Variants in RBM19 observed in about 807,000 individuals in gnomAD.
RBM19 encodes the protein RNA binding motif protein 19, also known as probable RNA-binding protein 19.
RBM19 carries 94 observed loss-of-function variants against 116.8 expected under a neutral mutation model. The observed-to-expected ratio is 0.80, with a 90% CI of 0.68 to 0.95. The LOEUF (loss-of-function observed/expected upper bound fraction) is 0.95, where lower values mean the gene tolerates loss of function less well. RBM19 is among the 40% of genes least tolerant of loss of function. The pLI, the probability that RBM19 is intolerant of heterozygous loss-of-function variation, is 0.00. For missense variants in RBM19, 1,161 were observed against 1,220.7 expected, an observed-to-expected ratio of 0.95 and a Z score of 0.73; for synonymous variants, 475 against 494.1, an observed-to-expected ratio of 0.96 and a Z score of 0.51.
intron 21 of RBM19, among the ~76,000 whole-genome samples, chr12:113,872,153 T>C (rs1159665449): frequency 2.8e-5 from 4 of 144,020 alleles, no homozygotes; most frequent in African/African-American, 1.0e-4. Context: ...TCGTCTGAGA[T>C]GTGGGGAGCG....
chr12:113,958,742 T>C (rs369090286), intron 5 of RBM19, among the ~76,000 whole-genome samples: 120 of 152,154 alleles, frequency 7.9e-4, no homozygotes, highest in African/African-American at 2.9e-3. Context: ...CCACCAGGCC[T>C]CCCCCACACC....
intron 22 of RBM19, among the ~76,000 whole-genome samples, chr12:113,854,592 G>T (rs1205140441): frequency 6.6e-6 from 1 of 152,130 alleles, no homozygotes; most frequent in African/African-American, 2.4e-5. Flanking sequence ...GACATTTACT[G>T]CCCGGGACAT....
At chr12:113,886,276 G>A (rs953188559) in intron 21 of RBM19, among the ~76,000 whole-genome samples, 2 of 152,030 alleles carry the variant, frequency 1.3e-5, no homozygotes, top group African/African-American at 2.4e-5. Flanking sequence ...GGGACTACAG[G>A]CATGCACCAC....
chr12:113,818,559 T>C (rs1874207416), downstream of RBM19, among the ~76,000 whole-genome samples: 1 of 150,150 alleles, frequency 6.7e-6, no homozygotes, highest in Non-Finnish European at 1.5e-5. Flanking sequence ...TTTGAAGTTA[T>C]GTTCACAATA....
chr12:113,911,522 G>A (rs1882426294), intron 21 of RBM19, among the ~76,000 whole-genome samples: 1 of 152,184 alleles, frequency 6.6e-6, no homozygotes, highest in South Asian at 2.1e-4. Context: ...GGCTCCACTG[G>A]TTTGGTGCTG....
intron 21 of RBM19, among the ~76,000 whole-genome samples, chr12:113,871,252 C>A (rs924110209): frequency 1.3e-5 from 2 of 152,232 alleles, no homozygotes; most frequent in Admixed American, 6.5e-5. Context: ...CTGCCTGTCA[C>A]CTATGGGAAA....
Position 113,837,079 on chromosome 12 carries a change from CTACATACATACA to C in RBM19, c.2785+7577_2785+7588del, listed in dbSNP as rs59581128. Among the ~76,000 whole-genome samples the C allele has an allele frequency of 7.4e-3, 1,005 of 136,300 alleles. 24 individuals are homozygous for C. The highest frequency in any genetic ancestry group is 0.027 in the African/African-American group (946 of 34,714). The allele number at this position is 136,300 out of a possible 152,430, so 89.4% of individuals were successfully genotyped here. On this transcript the variant is annotated intron_variant, in intron 23 of 23. Coordinates refer to ENST00000261741, the MANE Select transcript of RBM19 (RefSeq NM_016196.4). ...TCAGGCATACCTATCCCCCTACTTACTACATACATACATACATACATACATACATACACACAC... is the reference window on the plus strand; with the variant it reads ...TCAGGCATACCTATCCCCCTACTTACTACATACATACATACATACACACAC...
chr12:113,883,707 G>A (rs1204717351), intron 21 of RBM19, among the ~76,000 whole-genome samples: 1 of 124,604 alleles, frequency 8.0e-6, no homozygotes, highest in Non-Finnish European at 2.0e-5. Flanking sequence ...AGGTCTGTCT[G>A]GTTTCTGAGT....
At chr12:113,941,410 A>G (rs762293316) in intron 14 of RBM19, among the ~76,000 whole-genome samples, 7 of 152,258 alleles carry the variant, frequency 4.6e-5, no homozygotes, top group Non-Finnish European at 7.3e-5. Flanking sequence ...TTCCTTCTGT[A>G]GGGTGGAAGC....
In RBM19 at chr12:113,927,339, G is replaced by T. The variant is rs1467230455; in HGVS notation, c.2069-110C>A. On this transcript the variant is annotated intron_variant, in intron 16 of 23. Transcript: ENST00000261741. ...TGCAAAAAGCCCACTAGGTAAAGGG[G>T]TTCTGCCTCTGCGGGCAGTGGCAGG... The T allele has an allele frequency of 2.0e-5, 27 of 1,347,526 alleles. 1 individual carries two copies. In the Admixed American group the frequency reaches 7.0e-4, roughly 35 times the overall value. 83.5% of individuals were successfully genotyped at this position (1,347,526 alleles called of 1,614,324 possible).
chr12:113,920,850 A>G (rs889383180), intron 18 of RBM19, among the ~76,000 whole-genome samples, 160 bp from the exon 19 acceptor site: 2 of 152,018 alleles, frequency 1.3e-5, no homozygotes, highest in Non-Finnish European at 2.9e-5. Context: ...GCTGTTTATC[A>G]TTAGTCATCT....
intron 23 of RBM19, among the ~76,000 whole-genome samples, chr12:113,837,745 G>A (rs1020428657): frequency 6.6e-6 from 1 of 152,226 alleles, no homozygotes; most frequent in Non-Finnish European, 1.5e-5. Context: ...GTAGCTGGGT[G>A]CCCTTGGGCA....
At chr12:113,846,582 CA>C (rs1876995296) in intron 22 of RBM19, among the ~76,000 whole-genome samples, 1 of 152,136 alleles carries the variant, frequency 6.6e-6, no homozygotes, top group African/African-American at 2.4e-5. Context: ...GATGAGTCTA[CA>C]AACCAAGGAT....
chr12:113,845,311 C>T (rs533675852), intron 22 of RBM19, among the ~76,000 whole-genome samples: 58 of 152,238 alleles, frequency 3.8e-4, no homozygotes, highest in African/African-American at 1.4e-3. Context: ...CTGGTTCCCC[C>T]AGCCCTGCGC....
chr12:113,888,377 C>A (rs1437961599), intron 21 of RBM19, among the ~76,000 whole-genome samples: 1 of 152,186 alleles, frequency 6.6e-6, no homozygotes, highest in Non-Finnish European at 1.5e-5. Flanking sequence ...CAGCCCAAAT[C>A]TCGACTGGCT....
At chr12:113,847,998 C>T in intron 22 of RBM19, among the ~76,000 whole-genome samples, 1 of 152,210 alleles carries the variant, frequency 6.6e-6, no homozygotes, top group East Asian at 1.9e-4. Flanking sequence ...GGCTCTGCTG[C>T]TGGCCTGCCT....
intron 21 of RBM19, among the ~76,000 whole-genome samples, chr12:113,889,563 G>A (rs564229844): frequency 8.5e-5 from 13 of 152,096 alleles, no homozygotes; most frequent in East Asian, 3.9e-4. Context: ...CAGCCCCACG[G>A]GTCCTCAGTT....
At chr12:113,844,541 G>A in intron 23 of RBM19, 127 bp downstream of exon 23, 2 of 1,284,512 alleles carry the variant, frequency 1.6e-6, no homozygotes, top group Non-Finnish European at 2.1e-6. Context: ...ATGCCCAGCA[G>A]GAGGTGCTTG....
At chr12:113,902,899 T>G (rs1881794001) in intron 21 of RBM19, among the ~76,000 whole-genome samples, 1 of 152,222 alleles carries the variant, frequency 6.6e-6, no homozygotes, top group Admixed American at 6.5e-5. Context: ...GCAGCTTTAT[T>G]GAGATATAAT....
Sources: allele counts gnomAD v4.1 joint callset (sites outside exome capture counted in the v4.1 genomes callset), GRCh38; gene constraint gnomAD v4.1.1; transcripts MANE v1.5; gene names NCBI Gene and HGNC (gene_info 2026-07-23, HGNC 2026-07-21).